Variants in PRRC2C observed in about 807,000 individuals in gnomAD.
PRRC2C encodes protein PRRC2C.
PRRC2C carries 72 observed loss-of-function variants against 317.2 expected under a neutral mutation model. The ratio of observed to expected loss-of-function variants is 0.23; its 90% CI spans 0.19 to 0.28. The LOEUF (loss-of-function observed/expected upper bound fraction) is 0.28, where lower values mean the gene tolerates loss of function less well. PRRC2C is among the 10% of genes least tolerant of loss of function. The pLI is 1.00. For missense variants in PRRC2C, 3,074 were observed against 3,459.7 expected (o/e 0.89, Z 2.80); for synonymous variants, 1,296 against 1,205.9 (o/e 1.07, Z -1.55).
At position 171,540,529 on chromosome 1, in the gene PRRC2C, T is replaced by C. The variant is rs899063536; in HGVS notation, c.3063T>C (p.Pro1021=). The C allele has an allele frequency of 2.5e-6, 4 of 1,613,106 alleles. No individual in the cohort carries two copies. Among genetic ancestry groups the C allele is most frequent in the South Asian group, 1.1e-5 (1 of 91,000 alleles). Residue 1021 remains proline (P), a synonymous_variant, in exon 16 of 35, where the codon CCT becomes CCC. Transcript: ENST00000647382. ...GAAGATCAGGTCCCATTAAAAAACCTGTACTTAGAGATATGAAAGAGGAAC... is the reference window on the plus strand; with the variant it reads ...GAAGATCAGGTCCCATTAAAAAACCCGTACTTAGAGATATGAAAGAGGAAC... ...PVRRSGPIKK[P]VLRDMKEERE...
intron 1 of PRRC2C, among the ~76,000 whole-genome samples, chr1:171,500,546 G>A (rs968462743): frequency 6.6e-6 from 1 of 152,020 alleles, no homozygotes; most frequent in African/African-American, 2.4e-5. Flanking sequence ...ACCGGTACAC[G>A]CCACCATGCC....
chr1:171,517,719 G>A lies in PRRC2C; in HGVS notation c.655G>A (p.Val219Met). The A allele has an allele frequency of 6.2e-7, 1 of 1,613,790 alleles. No individual in the cohort carries two copies. The highest frequency in any genetic ancestry group is 8.5e-7 in the Non-Finnish European group (1 of 1,179,862). The change falls in exon 6 of 35, where the codon GTG becomes ATG. Residue 219 changes from valine (V) to methionine (M), a missense_variant. Val to Met is a conservative substitution (Grantham distance 21). Coordinates refer to ENST00000647382, the MANE Select transcript of PRRC2C (RefSeq NM_001387844.1). ...TSEQNDILKV[V>M]EKRIACGPPQ... The stretch of plus-strand genomic sequence containing the variant: ...AGAGCAAAATGATATCCTCAAAGTG[G>A]TGGAAAAGAGGATAGCTTGTGGTCC...
In PRRC2C at chr1:171,540,633, A is replaced by G. The variant is rs1677786530; in HGVS notation, c.3167A>G (p.Glu1056Gly). The change falls in exon 16 of 35, where the codon GAA (glutamate) becomes GGA (glycine). Residue 1056 changes from glutamate (E) to glycine (G), a missense_variant. Physicochemically the swap from Glu to Gly is moderately conservative, Grantham distance 98. Coordinates refer to ENST00000647382, the MANE Select transcript of PRRC2C (RefSeq NM_001387844.1). ...GTAGTTGTAAAGCCTGAAAAGACGG[A>G]AAAGAAGGATCTTCCTCCTCCCCCA... ...EKVVVKPEKT[E>G]KKDLPPPPPP... 4.3e-6 allele frequency: 7 copies of G among 1,613,978 alleles called. No individual in the cohort carries two copies. Among genetic ancestry groups the G allele is most frequent in the Non-Finnish European group, 5.9e-6 (7 of 1,179,886 alleles).
intron 14 of PRRC2C, among the ~76,000 whole-genome samples, chr1:171,536,871 T>A (rs142985817): frequency 6.6e-6 from 1 of 152,226 alleles, no homozygotes; most frequent in African/African-American, 2.4e-5. Flanking sequence ...CTAAGGTAGG[T>A]TAATGGAATT....
At position 171,540,735 on chromosome 1, in the gene PRRC2C, C is replaced by T. The variant is rs754488391; in HGVS notation, c.3269C>T (p.Pro1090Leu). 2.5e-6 allele frequency: 4 copies of T among 1,613,966 alleles called. No individual in the cohort carries two copies. In the Admixed American group the frequency reaches 5.0e-5, roughly 20 times the overall value. The change falls in exon 16 of 35, where the codon CCT becomes CTT. Residue 1090 changes from proline to leucine, a missense_variant. Pro to Leu is a moderately conservative substitution (Grantham distance 98). Around this residue, in one of 11 missense-constraint regions of PRRC2C, gnomAD observed 1,320 missense variants for 1,395.7 expected, o/e 0.95. Coordinates refer to ENST00000647382, the MANE Select transcript of PRRC2C (RefSeq NM_001387844.1). ...PPIQPEAEKF[P>L]STETATLAQK... ...ATTCAACCAGAAGCAGAGAAATTTCCTTCAACAGAAACTGCAACTTTGGCT... is the reference window on the plus strand; with the variant it reads ...ATTCAACCAGAAGCAGAGAAATTTCTTTCAACAGAAACTGCAACTTTGGCT...
Position 171,591,491 on chromosome 1 carries a change from C to T in PRRC2C, c.8437-96C>T, listed in dbSNP as rs1651429269. ...TTTGGCCAAACCAGTGTGGGGAAAACTGATTTGTGATTGGTAAAAGAATTT... is the reference window on the plus strand; with the variant it reads ...TTTGGCCAAACCAGTGTGGGGAAAATTGATTTGTGATTGGTAAAAGAATTT... On this transcript the variant is annotated intron_variant, in intron 34 of 34. Transcript: ENST00000647382. 5.6e-6 allele frequency: 8 copies of T among 1,436,166 alleles called. No homozygotes were observed. The East Asian group carries it at 1.7e-4, about 31-fold the overall frequency. 89.0% of individuals were successfully genotyped at this position (1,436,166 alleles called of 1,614,324 possible). A position where few individuals can be genotyped will look rare whatever the true frequency, so the allele number is the denominator to read the frequency against.
chr1:171,568,898 G>C (rs1431259069), intron 23 of PRRC2C, among the ~76,000 whole-genome samples: 3 of 152,092 alleles, frequency 2.0e-5, no homozygotes, highest in Non-Finnish European at 4.4e-5. Context: ...CTAATATAAG[G>C]TGATGTTAAG....
intron 12 of PRRC2C, among the ~76,000 whole-genome samples, chr1:171,533,651 G>GTC (rs1288792002): frequency 6.6e-6 from 1 of 152,062 alleles, no homozygotes; most frequent in Non-Finnish European, 1.5e-5. Flanking sequence ...TTGAGACAGA[G>GTC]TCTCTCTCTG....
intron 6 of PRRC2C, among the ~76,000 whole-genome samples, chr1:171,519,327 T>G (rs1673112830): frequency 6.6e-6 from 1 of 152,244 alleles, no homozygotes; most frequent in East Asian, 1.9e-4. Flanking sequence ...CTTGATATTC[T>G]CAAATATTAT....
Position 171,587,146 on chromosome 1 carries a change from T to A in PRRC2C, c.7893T>A (p.Pro2631=), listed in dbSNP as rs768383616. The A allele has an allele frequency of 4.3e-6, 7 of 1,611,020 alleles. No individual in the cohort carries two copies. In the East Asian group the frequency reaches 1.6e-4, roughly 36 times the overall value. Residue 2631 remains proline (P), a synonymous_variant, in exon 31 of 35, where the codon CCT becomes CCA. Coordinates refer to ENST00000647382, the MANE Select transcript of PRRC2C (RefSeq NM_001387844.1). ...PQAQAQSLSR[P]AQVSQPFRGL... is the part of the protein sequence containing the mutation. ...CACAGGCTCAGAGTCTGAGTCGTCC[T>A]GCACAAGTAAGCCAGCCTTTCAGAG...
intron 1 of PRRC2C, among the ~76,000 whole-genome samples, chr1:171,506,597 A>G (rs1670267831): frequency 2.5e-5 from 2 of 81,462 alleles, no homozygotes; most frequent in Admixed American, 1.2e-4. Context: ...GGTTCACTTA[A>G]GGTCTTTTTT....
At position 171,566,637 on chromosome 1, in the gene PRRC2C, C is replaced by T; in HGVS notation, c.6352C>T (p.Pro2118Ser). 6.2e-7 allele frequency: 1 copy of T among 1,603,514 alleles called. No homozygotes were observed. The highest frequency in any genetic ancestry group is 2.2e-5 in the East Asian group (1 of 44,592). Residue 2118 changes from proline (P) to serine (S), a missense_variant, in exon 22 of 35, where the codon CCC becomes TCC. Physicochemically the swap from Pro to Ser is moderately conservative, Grantham distance 74. Coordinates refer to ENST00000647382, the MANE Select transcript of PRRC2C (RefSeq NM_001387844.1). The stretch of plus-strand genomic sequence containing the variant: ...AGAAAACAAAGAACACAAACCTGGT[C>T]CCATTGGAAAGGAACGTTCATTAAA... ...PVENKEHKPG[P>S]IGKERSLKNR...
intron 4 of PRRC2C, 92 bp from the exon 5 acceptor site, chr1:171,515,642 A>T (rs1202178472): frequency 9.3e-7 from 1 of 1,075,394 alleles, no homozygotes; most frequent in African/African-American, 1.6e-5. Context: ...ATAATTTAAG[A>T]GAAAGAGGCA....
chr1:171,556,229 G>T (rs1177815801), intron 18 of PRRC2C, among the ~76,000 whole-genome samples: 4 of 152,250 alleles, frequency 2.6e-5, no homozygotes, highest in African/African-American at 9.6e-5. Context: ...GACCTGCCGA[G>T]CCAGGCGTGG....
intron 2 of PRRC2C, chr1:171,512,652 T>G (rs1671602305): frequency 4.2e-6 from 1 of 236,352 alleles, no homozygotes; most frequent in Non-Finnish European, 8.3e-6. Context: ...TTAACAGTAT[T>G]CTTTATGAAC....
chr1:171,491,797 T>TA (rs1667207136), intron 1 of PRRC2C, among the ~76,000 whole-genome samples: 1 of 152,142 alleles, frequency 6.6e-6, no homozygotes, highest in Non-Finnish European at 1.5e-5. Context: ...GTGATAAGAG[T>TA]AAAACAATAC....
At chr1:171,548,109 G>C (rs1468625373) in intron 17 of PRRC2C, among the ~76,000 whole-genome samples, 1 of 152,066 alleles carries the variant, frequency 6.6e-6, no homozygotes, top group Non-Finnish European at 1.5e-5. Flanking sequence ...GGGACTACAG[G>C]CGCGCACCAC....
intron 23 of PRRC2C, among the ~76,000 whole-genome samples, chr1:171,569,575 A>AATATATAT (rs60832207): frequency 0.15 from 9,301 of 60,048 alleles, 1,823 homozygotes; most frequent in Middle Eastern, 0.31. Flanking sequence ...AAGTGGTTTA[A>AATATATAT]ATATATATAT....
At chr1:171,591,392 ATCACATG>A in intron 34 of PRRC2C, 188 bp from the exon 35 acceptor site, 1 of 504,900 alleles carries the variant, frequency 2.0e-6, no homozygotes, top group Non-Finnish European at 2.9e-6. Context: ...TTTTTTTTAA[ATCACATG>A]AAATATTTCA....
Sources: gnomAD v4.1 joint callset for allele counts (sites outside exome capture counted in the v4.1 genomes callset) on GRCh38, gnomAD v4.1.1 for gene constraint, gnomAD v4.1.1 regional missense constraint, MANE v1.5 for transcripts, NCBI Gene and HGNC (gene_info 2026-07-23, HGNC 2026-07-21) for gene names.